The following NCALD variants were observed in gnomAD, a reference collection of about 807,000 sequenced individuals.
NCALD encodes neurocalcin-delta.
A neutral mutation model predicts 18.6 loss-of-function variants in NCALD; 10 were observed. The observed-to-expected ratio is 0.54, with a 90% CI of 0.33 to 0.91. The LOEUF (loss-of-function observed/expected upper bound fraction) is 0.91, where lower values mean the gene tolerates loss of function less well. NCALD is among the 40% of genes least tolerant of loss of function. The pLI, the probability that NCALD is intolerant of heterozygous loss-of-function variation, is 0.03. For synonymous variants in NCALD, 88 were observed against 87.4 expected (o/e 1.01, Z -0.04); for missense variants, 184 against 247.6 (o/e 0.74, Z 1.72).
At chr8:102,072,946 T>C (rs1207815543) in intron 1 of NCALD, among the ~76,000 whole-genome samples, 2 of 152,228 alleles carry the variant, frequency 1.3e-5, no homozygotes, top group Non-Finnish European at 2.9e-5. Flanking sequence ...CTTAACATTT[T>C]CTATATCTTG....
At chr8:102,081,623 ACT>A (rs1020162190) in intron 1 of NCALD, among the ~76,000 whole-genome samples, 9 of 151,370 alleles carry the variant, frequency 5.9e-5, no homozygotes, top group African/African-American at 1.7e-4. Context: ...CCTCTTCCGA[ACT>A]CTGCAATTCT....
intron 2 of NCALD, among the ~76,000 whole-genome samples, chr8:101,948,192 G>C (rs986307496): frequency 6.6e-6 from 1 of 152,262 alleles, no homozygotes; most frequent in Admixed American, 6.5e-5. Context: ...CAATAATTTA[G>C]ATAAGAGATG....
At chr8:102,087,437 A>T (rs1161263796) in intron 1 of NCALD, among the ~76,000 whole-genome samples, 1 of 152,124 alleles carries the variant, frequency 6.6e-6, no homozygotes, top group Non-Finnish European at 1.5e-5. Flanking sequence ...CACCCAGGTA[A>T]AGGATGGGAT....
intron 4 of NCALD, among the ~76,000 whole-genome samples, chr8:101,816,754 A>T (rs1326522104): frequency 6.6e-6 from 1 of 152,178 alleles, no homozygotes; most frequent in Admixed American, 6.5e-5. Flanking sequence ...GTCCAAACCC[A>T]TAGAATGTAC....
At chr8:102,029,355 GC>G (rs1822582988) in intron 1 of NCALD, among the ~76,000 whole-genome samples, 1 of 152,172 alleles carries the variant, frequency 6.6e-6, no homozygotes, top group African/African-American at 2.4e-5. Flanking sequence ...TCTGTGGCGG[GC>G]CTTGAATGTC....
intron 2 of NCALD, among the ~76,000 whole-genome samples, chr8:101,973,697 G>C (rs1820323532): frequency 6.6e-6 from 1 of 152,150 alleles, no homozygotes; most frequent in African/African-American, 2.4e-5. Flanking sequence ...GTGTGACCAA[G>C]AGTTCTGGAG....
chr8:101,861,436 G>A (rs929336399), intron 4 of NCALD, among the ~76,000 whole-genome samples: 2 of 151,772 alleles, frequency 1.3e-5, no homozygotes, highest in South Asian at 4.2e-4. Flanking sequence ...CTAAAAACAT[G>A]GGTGGAACAC....
chr8:102,099,503 G>A (rs545904243), intron 1 of NCALD, among the ~76,000 whole-genome samples: 2 of 152,086 alleles, frequency 1.3e-5, no homozygotes, highest in South Asian at 4.1e-4. Context: ...GAGACAATAT[G>A]CCCATATCAA....
chr8:102,108,969 C>T (rs1172040001), intron 1 of NCALD, among the ~76,000 whole-genome samples: 2 of 152,160 alleles, frequency 1.3e-5, no homozygotes, highest in Non-Finnish European at 2.9e-5. Context: ...GGCTCAGCCT[C>T]GTCCCCTGTA....
intron 1 of NCALD, among the ~76,000 whole-genome samples, chr8:102,079,848 A>T (rs1226198536): frequency 6.6e-6 from 1 of 152,274 alleles, no homozygotes; most frequent in African/African-American, 2.4e-5. Flanking sequence ...AAGTCCCATC[A>T]TGCTACAAAG....
chr8:101,805,652 C>T (rs930834272), intron 4 of NCALD, among the ~76,000 whole-genome samples: 1 of 152,106 alleles, frequency 6.6e-6, no homozygotes, highest in Non-Finnish European at 1.5e-5. Context: ...AGCTCTCCCC[C>T]AAAGGAGCTG....
intron 1 of NCALD, among the ~76,000 whole-genome samples, chr8:101,757,959 C>T (rs537431296): frequency 7.2e-5 from 11 of 152,080 alleles, no homozygotes; most frequent in Non-Finnish European, 1.6e-4. Context: ...ACCCAGATAA[C>T]TTTTTATTTT....
At chr8:102,027,104 C>T (rs980729343) in intron 1 of NCALD, among the ~76,000 whole-genome samples, 1 of 152,214 alleles carries the variant, frequency 6.6e-6, no homozygotes, top group Non-Finnish European at 1.5e-5. Context: ...GGCATCCAGG[C>T]CTTTGATGGC....
At chr8:101,837,693 A>G (rs942302523) in intron 4 of NCALD, among the ~76,000 whole-genome samples, 1 of 152,140 alleles carries the variant, frequency 6.6e-6, no homozygotes, top group African/African-American at 2.4e-5. Context: ...CCCTACCACA[A>G]AACACCAAAA....
At chr8:102,004,623 C>G (rs556537464) in intron 2 of NCALD, among the ~76,000 whole-genome samples, 1 of 152,284 alleles carries the variant, frequency 6.6e-6, no homozygotes, top group Admixed American at 6.5e-5. Context: ...TACCTGACTT[C>G]AAACTATACT....
At chr8:101,977,892 CT>C (rs1438707068) in intron 2 of NCALD, among the ~76,000 whole-genome samples, 3 of 152,234 alleles carry the variant, frequency 2.0e-5, no homozygotes, top group African/African-American at 7.2e-5. Flanking sequence ...TTAAGATGGT[CT>C]TCAATTATTT....
intron 1 of NCALD, among the ~76,000 whole-genome samples, chr8:101,768,873 T>A (rs1811466296): frequency 6.6e-6 from 1 of 152,282 alleles, no homozygotes; most frequent in East Asian, 1.9e-4. Flanking sequence ...AACCTGTGAA[T>A]GGGTTGCTTT....
At chr8:101,793,509 A>T (rs1586520711), upstream of NCALD, among the ~76,000 whole-genome samples, 1 of 152,144 alleles carries the variant, frequency 6.6e-6, no homozygotes, top group African/African-American at 2.4e-5. Context: ...TAGGTTTAGA[A>T]TTTCCTCTTA....
intron 2 of NCALD, among the ~76,000 whole-genome samples, chr8:101,997,173 A>G (rs1821269481): frequency 6.6e-6 from 1 of 152,204 alleles, no homozygotes; most frequent in Non-Finnish European, 1.5e-5. Context: ...AACTTTATTT[A>G]AGCCAATCAG....
Sources: allele counts gnomAD v4.1 joint callset (sites outside exome capture counted in the v4.1 genomes callset), GRCh38; gene constraint gnomAD v4.1.1; transcripts MANE v1.5; gene names NCBI Gene and HGNC (gene_info 2026-07-23, HGNC 2026-07-21).